Variants in CREM observed in about 807,000 individuals in gnomAD.
CREM encodes the protein cAMP responsive element modulator, also known as cAMP-responsive element modulator.
Under a neutral mutation model 37.3 loss-of-function variants are expected in CREM, and 13 were observed. The ratio of observed to expected loss-of-function variants is 0.35; its 90% confidence interval spans 0.23 to 0.55. CREM has a LOEUF of 0.55. Among genes scored for constraint, CREM ranks in the 20% least tolerant of loss-of-function variants. The probability of loss-of-function intolerance (pLI) is 0.88; values close to 1 mark genes in which losing one functional copy is unlikely to be tolerated. For missense variants in CREM, 296 were observed against 362.3 expected (o/e 0.82, Z 1.49); for synonymous variants, 124 against 120.2 (o/e 1.03, Z -0.21).
intron 1 of CREM, among the ~76,000 whole-genome samples, chr10:35,133,979 A>T (rs745947816): frequency 3.9e-5 from 6 of 152,136 alleles, no homozygotes; most frequent in South Asian, 2.1e-4. Context: ...AAGAAGTTTA[A>T]TTCTTATATA....
chr10:35,132,944 A>G (rs1448871916), intron 1 of CREM, among the ~76,000 whole-genome samples: 2 of 152,222 alleles, frequency 1.3e-5, no homozygotes, highest in African/African-American at 4.8e-5. Context: ...TAACCTATGG[A>G]TATCTACTTT....
At chr10:35,140,316 C>T (rs1288002919) in intron 2 of CREM, among the ~76,000 whole-genome samples, 1 of 152,152 alleles carries the variant, frequency 6.6e-6, no homozygotes, top group Non-Finnish European at 1.5e-5. Flanking sequence ...CTCCAAAACA[C>T]ATCATCATCG....
chr10:35,161,162 G>A (rs952981826), intron 3 of CREM, among the ~76,000 whole-genome samples: 3 of 151,632 alleles, frequency 2.0e-5, no homozygotes, highest in Admixed American at 2.0e-4. Flanking sequence ...TATGAGACAG[G>A]GTCTCACTCT....
In CREM at chr10:35,182,023, C is replaced by T. The variant is rs141605818; in HGVS notation, c.409+2747C>T. Among the ~76,000 whole-genome samples the T allele has an allele frequency of 4.6e-3, 708 of 152,276 alleles. 13 individuals carry two copies. Among genetic ancestry groups the T allele is most frequent in the African/African-American group, 0.017 (693 of 41,550 alleles). Reference sequence around the variant, plus strand: ...GTTATAGTTCTGTATGTACAGTCTGCAGGTAAAAATTGCCATTTGTTCACA... The same window carrying T: ...GTTATAGTTCTGTATGTACAGTCTGTAGGTAAAAATTGCCATTTGTTCACA... On this transcript the variant is annotated intron_variant, in intron 5 of 7. Coordinates refer to ENST00000685392, the MANE Select transcript of CREM (RefSeq NM_183011.2).
At chr10:35,128,472 T>C (rs1473721306) in intron 1 of CREM, among the ~76,000 whole-genome samples, 1 of 152,088 alleles carries the variant, frequency 6.6e-6, no homozygotes, top group East Asian at 1.9e-4. Context: ...CCACGCTGTT[T>C]TTTATTTGTT....
chr10:35,130,399 A>T (rs2089132630), intron 1 of CREM, among the ~76,000 whole-genome samples: 1 of 152,152 alleles, frequency 6.6e-6, no homozygotes, highest in Non-Finnish European at 1.5e-5. Context: ...TCATTTTCTG[A>T]TACTGTATAT....
At chr10:35,129,184 G>A (rs992770463) in intron 1 of CREM, among the ~76,000 whole-genome samples, 1 of 152,156 alleles carries the variant, frequency 6.6e-6, no homozygotes, top group African/African-American at 2.4e-5. Context: ...TTGTAATTAC[G>A]GTGATGTTTT....
chr10:35,182,981 TA>T (rs141509023), intron 5 of CREM, among the ~76,000 whole-genome samples: 177 of 152,338 alleles, frequency 1.2e-3, no homozygotes, highest in African/African-American at 4.2e-3. Context: ...AGTGAATTTG[TA>T]AAAGCAACCG....
chr10:35,136,794 T>TG (rs1242255969), intron 1 of CREM, among the ~76,000 whole-genome samples: 34 of 140,468 alleles, frequency 2.4e-4, no homozygotes, highest in African/African-American at 9.5e-4. Context: ...CTCTCAGTTT[T>TG]TTTTTTTTTT....
chr10:35,141,335 C>T (rs1366562819), intron 2 of CREM, among the ~76,000 whole-genome samples: 1 of 152,164 alleles, frequency 6.6e-6, no homozygotes, highest in Non-Finnish European at 1.5e-5. Flanking sequence ...GTATTTTAAG[C>T]AGAAATACAT....
intron 6 of CREM, 79 bp downstream of exon 6, chr10:35,188,467 T>C: frequency 7.6e-7 from 1 of 1,308,176 alleles, no homozygotes; most frequent in Non-Finnish European, 1.0e-6. Flanking sequence ...TTTATAGTTT[T>C]TTGAAATAGA....
At chr10:35,198,396 G>A (rs1205879986) in intron 6 of CREM, among the ~76,000 whole-genome samples, 3 of 151,858 alleles carry the variant, frequency 2.0e-5, no homozygotes, top group African/African-American at 7.3e-5. Context: ...GGTGGCACGC[G>A]CCTGTAATCT....
chr10:35,191,316 ATTAC>A (rs1293841573), intron 6 of CREM, among the ~76,000 whole-genome samples: 1 of 152,134 alleles, frequency 6.6e-6, no homozygotes, highest in East Asian at 1.9e-4. Context: ...CTGAACTCTA[ATTAC>A]TTCTAATAAT....
intron 3 of CREM, among the ~76,000 whole-genome samples, chr10:35,178,330 G>T (rs2094189734): frequency 6.6e-6 from 1 of 152,166 alleles, no homozygotes; most frequent in Non-Finnish European, 1.5e-5. Context: ...CCGCCACCAA[G>T]CCCTAACTTA....
intron 6 of CREM, 59 bp downstream of exon 6, chr10:35,188,447 G>C (rs1301611102): frequency 6.4e-6 from 9 of 1,402,274 alleles, no homozygotes; most frequent in Admixed American, 2.3e-5. Flanking sequence ...TCACACCATT[G>C]AGTGGTGATT....
chr10:35,167,850 G>A (rs2093628408), intron 3 of CREM: 2 of 1,499,380 alleles, frequency 1.3e-6, no homozygotes, highest in South Asian at 1.2e-5. Flanking sequence ...AAAGCCTTGT[G>A]AAAAGAGGGG....
intron 6 of CREM, among the ~76,000 whole-genome samples, chr10:35,190,756 G>C (rs2133823535): frequency 6.6e-6 from 1 of 152,150 alleles, no homozygotes; most frequent in South Asian, 2.1e-4. Flanking sequence ...CCACCTCCCG[G>C]GTTCACGCCA....
intron 3 of CREM, 146 bp from the exon 4 acceptor site, chr10:35,178,743 C>T (rs12260130): frequency 0.34 from 194,429 of 568,344 alleles, 33,944 homozygotes; most frequent in Middle Eastern, 0.35. Flanking sequence ...CAGACTCCTT[C>T]AGTGCAGATT....
chr10:35,141,462 A>G (rs1265844207), intron 2 of CREM, among the ~76,000 whole-genome samples: 2 of 152,188 alleles, frequency 1.3e-5, no homozygotes, highest in African/African-American at 4.8e-5. Context: ...ATACCTGGTG[A>G]TGATGCTGTG....
Sources: allele counts gnomAD v4.1 joint callset (sites outside exome capture counted in the v4.1 genomes callset), GRCh38; gene constraint gnomAD v4.1.1; transcripts MANE v1.5; gene names NCBI Gene and HGNC (gene_info 2026-07-23, HGNC 2026-07-21).